Variants in SYT1 observed in about 807,000 individuals in gnomAD.
The protein encoded by SYT1 is synaptotagmin 1, also known as synaptotagmin-1.
In SYT1, 8 loss-of-function variants were observed where a neutral mutation model predicts 44.8. The ratio of observed to expected loss-of-function variants is 0.18; its 90% CI spans 0.10 to 0.32. The LOEUF is 0.32. Among genes scored for constraint, SYT1 ranks in the 10% least tolerant of loss-of-function variants. The probability of loss-of-function intolerance (pLI) is 1.00; values close to 1 mark genes in which losing one functional copy is unlikely to be tolerated. For missense variants in SYT1, 286 were observed against 509.3 expected (o/e 0.56, Z 4.22); for synonymous variants, 154 against 188.8 (o/e 0.82, Z 1.51).
chr12:79,182,699 A>G (rs1434472273), intron 3 of SYT1, among the ~76,000 whole-genome samples: 1 of 152,116 alleles, frequency 6.6e-6, no homozygotes, highest in Non-Finnish European at 1.5e-5. Flanking sequence ...TTAAAAGCAT[A>G]AATGTTTACC....
intron 2 of SYT1, among the ~76,000 whole-genome samples, chr12:79,015,329 G>A (rs1871735639): frequency 1.3e-5 from 2 of 152,054 alleles, no homozygotes; most frequent in African/African-American, 4.8e-5. Flanking sequence ...GCATAGACTG[G>A]ACTCCAATTT....
chr12:79,369,721 A>C (rs1883704292), intron 9 of SYT1, among the ~76,000 whole-genome samples: 2 of 152,052 alleles, frequency 1.3e-5, no homozygotes, highest in Admixed American at 1.3e-4. Context: ...ATTTTTTTTG[A>C]GACAGGCAGA....
chr12:79,413,389 C>T (rs567306166), intron 9 of SYT1, among the ~76,000 whole-genome samples: 1 of 152,216 alleles, frequency 6.6e-6, no homozygotes, highest in East Asian at 1.9e-4. Context: ...GTCAATAAAC[C>T]ACAAGATCTG....
intron 1 of SYT1, among the ~76,000 whole-genome samples, chr12:78,934,689 G>A (rs1160989033): frequency 6.6e-6 from 1 of 152,052 alleles, no homozygotes; most frequent in Non-Finnish European, 1.5e-5. Context: ...TGGAAAATCT[G>A]GAGCAAAATA....
chr12:79,222,820 T>C (rs1253580176), intron 4 of SYT1, among the ~76,000 whole-genome samples: 1 of 152,188 alleles, frequency 6.6e-6, no homozygotes, highest in Non-Finnish European at 1.5e-5. Context: ...CTTCTCTGAC[T>C]ATTTTTAAAT....
chr12:79,156,622 C>T (rs1870614753), intron 3 of SYT1, among the ~76,000 whole-genome samples: 1 of 152,018 alleles, frequency 6.6e-6, no homozygotes, highest in South Asian at 2.1e-4. Flanking sequence ...CACATGCCAC[C>T]ATGCCTGGCT....
Position 78,878,799 on chromosome 12 carries a change from G to A in SYT1, c.-217+13690G>A, listed in dbSNP as rs73144674. Reference sequence around the variant, plus strand: ...CTTGGACATACCACATAGCCATTGCGGATCAGAGTGTTTGGAGAGTACATA... The same window carrying A: ...CTTGGACATACCACATAGCCATTGCAGATCAGAGTGTTTGGAGAGTACATA... On this transcript the variant is annotated intron_variant, in intron 1 of 10. Transcript: ENST00000261205. Among the ~76,000 whole-genome samples the A allele has an allele frequency of 4.3e-3, 653 of 151,760 alleles. 2 individuals are homozygous for A. The highest frequency in any genetic ancestry group is 5.7e-3 in the Non-Finnish European group (384 of 67,802).
intron 2 of SYT1, among the ~76,000 whole-genome samples, chr12:79,031,063 T>C (rs1872799464): frequency 6.6e-6 from 1 of 151,086 alleles, no homozygotes; most frequent in Non-Finnish European, 1.5e-5. Flanking sequence ...TAAGTTTAAA[T>C]AGAGAATAAA....
chr12:79,103,370 C>T (rs11832897), intron 3 of SYT1, among the ~76,000 whole-genome samples: 21,929 of 151,746 alleles, frequency 0.14, 1,647 homozygotes, highest in South Asian at 0.19. Flanking sequence ...AATAGTGAAC[C>T]AGTAAAATTC....
chr12:79,440,824 G>A (rs747846920), intron 9 of SYT1, among the ~76,000 whole-genome samples: 49 of 152,250 alleles, frequency 3.2e-4, no homozygotes, highest in Non-Finnish European at 5.4e-4. Flanking sequence ...CTCATAGGCA[G>A]GTGTATTTCC....
intron 4 of SYT1, among the ~76,000 whole-genome samples, chr12:79,262,615 C>T (rs565479346): frequency 1.3e-5 from 2 of 152,266 alleles, no homozygotes; most frequent in Non-Finnish European, 2.9e-5. Context: ...GCAGCTGACT[C>T]GCTTCTCACA....
intron 4 of SYT1, among the ~76,000 whole-genome samples, chr12:79,269,190 G>A (rs1252526243): frequency 6.6e-6 from 1 of 151,244 alleles, no homozygotes; most frequent in Non-Finnish European, 1.5e-5. Flanking sequence ...CAGCAATCCT[G>A]TGAGGCAGGT....
At chr12:78,883,151 A>T (rs567573463) in intron 1 of SYT1, among the ~76,000 whole-genome samples, 2 of 151,870 alleles carry the variant, frequency 1.3e-5, no homozygotes, top group Admixed American at 1.3e-4. Context: ...ACAGTAATAC[A>T]CTAAATTATA....
intron 4 of SYT1, among the ~76,000 whole-genome samples, chr12:79,258,979 G>T (rs1195478580): frequency 6.6e-6 from 1 of 152,190 alleles, no homozygotes; most frequent in South Asian, 2.1e-4. Context: ...AATAGAAAGA[G>T]TTAACTTGCT....
chr12:79,166,045 T>G (rs1456485489), intron 3 of SYT1, among the ~76,000 whole-genome samples: 1 of 151,978 alleles, frequency 6.6e-6, no homozygotes, highest in African/African-American at 2.4e-5. Flanking sequence ...ATAATCAAAA[T>G]TGGATATTAT....
intron 3 of SYT1, among the ~76,000 whole-genome samples, chr12:79,170,167 A>G (rs748437852): frequency 2.0e-5 from 3 of 152,106 alleles, no homozygotes; most frequent in Non-Finnish European, 4.4e-5. Flanking sequence ...ATACACATGC[A>G]TGAGTCTTTA....
In SYT1 at chr12:79,199,404, C is replaced by T. The variant is rs532727206; in HGVS notation, c.-17-18099C>T. On this transcript the variant is annotated intron_variant, in intron 3 of 10. Coordinates refer to ENST00000261205, the MANE Select transcript of SYT1 (RefSeq NM_005639.3). Reference sequence around the variant, plus strand: ...TATATCCGTTTTTCCCTACCAGCTGCCTTCCCTCTCTCCACTGTCAGCATT... The same window carrying T: ...TATATCCGTTTTTCCCTACCAGCTGTCTTCCCTCTCTCCACTGTCAGCATT... Among the ~76,000 whole-genome samples, 6 of 152,220 alleles carry T rather than the reference C, an allele frequency of 3.9e-5. No individual in the cohort carries two copies. In the East Asian group the frequency reaches 9.7e-4, roughly 24 times the overall value.
Position 79,076,124 on chromosome 12 carries a change from A to G in SYT1, c.-18+28762A>G, listed in dbSNP as rs559528239. On this transcript the variant is annotated intron_variant, in intron 3 of 10. Transcript: ENST00000261205. ...ACCTTTTTGCTAAGTTTGATGAAGA[A>G]GTGGATAGTTGTGGAGAAGTATGAT... Among the ~76,000 whole-genome samples, 17 of 152,268 alleles carry G rather than the reference A, an allele frequency of 1.1e-4. No individual in the cohort carries two copies. In the East Asian group the frequency reaches 3.1e-3, roughly 28 times the overall value.
chr12:78,969,946 A>G (rs1387129422), intron 1 of SYT1, among the ~76,000 whole-genome samples: 2 of 152,192 alleles, frequency 1.3e-5, no homozygotes, highest in Non-Finnish European at 2.9e-5. Context: ...TTTCTTTCCT[A>G]ATAATGGGAA....
Sources: gnomAD v4.1 joint callset for allele counts (sites outside exome capture counted in the v4.1 genomes callset) on GRCh38, gnomAD v4.1.1 for gene constraint, MANE v1.5 for transcripts, NCBI Gene and HGNC (gene_info 2026-07-23, HGNC 2026-07-21) for gene names.